Variants in GRIN3A observed in about 807,000 individuals in gnomAD.
The protein encoded by GRIN3A is glutamate receptor ionotropic, NMDA 3A.
GRIN3A carries 47 observed loss-of-function variants against 92.4 expected under a neutral mutation model. The observed-to-expected ratio is 0.51, with a 90% CI of 0.40 to 0.65. GRIN3A has a LOEUF of 0.65. GRIN3A is among the 30% of genes least tolerant of loss of function. The pLI is 0.00. For synonymous variants in GRIN3A, 527 were observed against 540.6 expected, an observed-to-expected ratio of 0.97 and a Z score of 0.35; for missense variants, 1,324 against 1,393.1, an observed-to-expected ratio of 0.95 and a Z score of 0.79.
chr9:101,591,253 G>A (rs1372801480), intron 6 of GRIN3A, among the ~76,000 whole-genome samples: 1 of 152,216 alleles, frequency 6.6e-6, no homozygotes, highest in African/African-American at 2.4e-5. Flanking sequence ...CAAAGAGGTG[G>A]AGGCTGCTTG....
chr9:101,591,713 G>A (rs1474885006), intron 6 of GRIN3A: 6 of 152,206 alleles, frequency 3.9e-5, no homozygotes, highest in Non-Finnish European at 5.9e-5. Context: ...AAAGCATTCC[G>A]ATTTGGGAAT....
intron 1 of GRIN3A, among the ~76,000 whole-genome samples, chr9:101,703,617 C>G (rs115259992): frequency 2.0e-3 from 309 of 152,312 alleles, no homozygotes; most frequent in African/African-American, 6.8e-3. Flanking sequence ...ACTATAATCT[C>G]AGGACCTAGG....
chr9:101,713,061 A>C (rs924007761), intron 1 of GRIN3A, among the ~76,000 whole-genome samples: 61 of 152,178 alleles, frequency 4.0e-4, no homozygotes, highest in Non-Finnish European at 5.4e-4. Flanking sequence ...CTGGCTCTTA[A>C]TTCCTTTAAA....
chr9:101,569,863 C>CT lies in GRIN3A; in HGVS notation c.*3310dup, dbSNP rs1827735727. 1 of 152,146 alleles carries CT rather than the reference C, an allele frequency of 6.6e-6. No homozygotes were observed. Among genetic ancestry groups the CT allele is most frequent in the Non-Finnish European group, 1.5e-5 (1 of 68,028 alleles). 9.4% of individuals were successfully genotyped at this position (152,146 alleles called of 1,614,324 possible). A position where few individuals can be genotyped will look rare whatever the true frequency, so the allele number is the denominator to read the frequency against. On this transcript the variant is annotated 3_prime_UTR_variant, in exon 9 of 9. Transcript: ENST00000361820. ...GAAGTGCTTAACTTGCTCTAAGGCTCTAACAGACACAGCACCAACACTGAG... is the reference window on the plus strand; with the variant it reads ...GAAGTGCTTAACTTGCTCTAAGGCTCTTAACAGACACAGCACCAACACTGAG...
intron 6 of GRIN3A, among the ~76,000 whole-genome samples, chr9:101,607,279 G>A (rs1315564638): frequency 6.6e-6 from 1 of 152,078 alleles, no homozygotes; most frequent in Non-Finnish European, 1.5e-5. Flanking sequence ...ATGTCCAACT[G>A]CTAGAAATGG....
chr9:101,643,624 C>T lies in GRIN3A; in HGVS notation c.2353-15223G>A, dbSNP rs185005022. On this transcript the variant is annotated intron_variant, in intron 3 of 8. Coordinates refer to ENST00000361820, the MANE Select transcript of GRIN3A (RefSeq NM_133445.3). Reference sequence around the variant, plus strand: ...TTCATGTTTATTACAGCACTATTCACAGTAGCTAAATCATGTAAGCAACCT... The same window carrying T: ...TTCATGTTTATTACAGCACTATTCATAGTAGCTAAATCATGTAAGCAACCT... 4.6e-3 allele frequency among the ~76,000 whole-genome samples: 702 copies of T among 151,652 alleles called. 8 individuals carry two copies. The highest frequency in any genetic ancestry group is 0.014 in the African/African-American group (583 of 41,310).
At position 101,678,382 on chromosome 9, in the gene GRIN3A, A is replaced by C. The variant is rs188995376; in HGVS notation, c.1305-7275T>G. Among the ~76,000 whole-genome samples, 232 of 152,254 alleles carry C rather than the reference A, an allele frequency of 1.5e-3. 4 individuals carry two copies. Among genetic ancestry groups the C allele is most frequent in the African/African-American group, 5.4e-3 (225 of 41,568 alleles). ...TTCAATGGGGAACCTCTCTGATGAG[A>C]AGGAGTTTAATAGGGTTTGGAAATT... is the stretch of plus-strand genomic sequence containing the variant. On this transcript the variant is annotated intron_variant, in intron 2 of 8. Coordinates refer to ENST00000361820, the MANE Select transcript of GRIN3A (RefSeq NM_133445.3).
At chr9:101,662,606 A>G (rs988897997) in intron 3 of GRIN3A, among the ~76,000 whole-genome samples, 1 of 151,618 alleles carries the variant, frequency 6.6e-6, no homozygotes, top group African/African-American at 2.4e-5. Context: ...AATATATTAT[A>G]TGTAAATATA....
chr9:101,622,805 A>G (rs1828575623), intron 5 of GRIN3A, among the ~76,000 whole-genome samples: 1 of 152,106 alleles, frequency 6.6e-6, no homozygotes, highest in Non-Finnish European at 1.5e-5. Flanking sequence ...ATTGCATTAG[A>G]TCAATATTGG....
intron 3 of GRIN3A, among the ~76,000 whole-genome samples, chr9:101,645,618 A>G (rs1472519334): frequency 6.6e-6 from 1 of 151,036 alleles, no homozygotes; most frequent in Non-Finnish European, 1.5e-5. Context: ...TAGTGGCTGT[A>G]CTAATTTACA....
At chr9:101,684,191 C>T (rs1363323349) in intron 2 of GRIN3A, among the ~76,000 whole-genome samples, 3 of 151,392 alleles carry the variant, frequency 2.0e-5, no homozygotes, top group African/African-American at 7.3e-5. Context: ...CAACCTCTGC[C>T]TCCCAGGTTC....
At chr9:101,684,184 C>A (rs1829500838) in intron 2 of GRIN3A, among the ~76,000 whole-genome samples, 1 of 151,250 alleles carries the variant, frequency 6.6e-6, no homozygotes, top group Non-Finnish European at 1.5e-5. Context: ...CTCACTGCAA[C>A]CTCTGCCTCC....
chr9:101,638,419 A>G (rs12342397), intron 3 of GRIN3A, among the ~76,000 whole-genome samples: 2,002 of 152,260 alleles, frequency 0.013, 45 homozygotes, highest in African/African-American at 0.044. Context: ...ATCTGGAGCA[A>G]TCTATCCTTT....
chr9:101,620,251 C>T (rs1012484777), intron 5 of GRIN3A, among the ~76,000 whole-genome samples: 1 of 152,178 alleles, frequency 6.6e-6, no homozygotes, highest in South Asian at 2.1e-4. Context: ...GGCCTGCTTT[C>T]TGGTTCATAG....
At chr9:101,669,843 A>C (rs962199864) in intron 3 of GRIN3A, among the ~76,000 whole-genome samples, 2 of 152,110 alleles carry the variant, frequency 1.3e-5, no homozygotes, top group South Asian at 4.1e-4. Flanking sequence ...TCTAGAAAAG[A>C]CACTCCCCAA....
At chr9:101,607,752 G>A (rs1828306349) in intron 6 of GRIN3A, among the ~76,000 whole-genome samples, 1 of 152,206 alleles carries the variant, frequency 6.6e-6, no homozygotes. Flanking sequence ...ACAGAGCCCG[G>A]CAGTGTATGA....
chr9:101,641,456 C>CCATAAAA (rs1178537439), intron 3 of GRIN3A, among the ~76,000 whole-genome samples: 1 of 150,924 alleles, frequency 6.6e-6, no homozygotes, highest in Non-Finnish European at 1.5e-5. Flanking sequence ...CTATGCAGTT[C>CCATAAAA]ATGATGAGTT....
intron 1 of GRIN3A, among the ~76,000 whole-genome samples, chr9:101,705,569 CTG>C (rs753107971): frequency 6.6e-6 from 1 of 152,162 alleles, no homozygotes; most frequent in East Asian, 1.9e-4. Flanking sequence ...AAGGAGCACA[CTG>C]TAACACACGC....
At chr9:101,690,175 G>A (rs1829596749) in intron 1 of GRIN3A, among the ~76,000 whole-genome samples, 1 of 151,836 alleles carries the variant, frequency 6.6e-6, no homozygotes, top group Non-Finnish European at 1.5e-5. Flanking sequence ...TTAAATAAGT[G>A]TGCTACTTAT....
Sources: allele counts gnomAD v4.1 joint callset (sites outside exome capture counted in the v4.1 genomes callset), GRCh38; gene constraint gnomAD v4.1.1; transcripts MANE v1.5; gene names NCBI Gene and HGNC (gene_info 2026-07-23, HGNC 2026-07-21).